KCNK10: variants seen among roughly 807,000 people sequenced by gnomAD.
The protein encoded by KCNK10 is potassium two pore domain channel subfamily K member 10.
In KCNK10, 25 loss-of-function variants were observed where a neutral mutation model predicts 47.7. The ratio of observed to expected loss-of-function variants is 0.52; its 90% CI spans 0.38 to 0.73. KCNK10 has a LOEUF of 0.73. Among genes scored for constraint, KCNK10 ranks in the 30% least tolerant of loss-of-function variants. KCNK10 has a pLI of 0.00. For missense variants in KCNK10, 563 were observed against 714.5 expected, an observed-to-expected ratio of 0.79 and a Z score of 2.42; for synonymous variants, 303 against 285.6, an observed-to-expected ratio of 1.06 and a Z score of -0.61.
At chr14:88,187,842 C>T in intron 6 of KCNK10, 125 bp downstream of exon 6, 1 of 873,528 alleles carries the variant, frequency 1.1e-6, no homozygotes, top group Non-Finnish European at 1.8e-6. Context: ...AGCCTATGAC[C>T]CGCCCCCCGC....
At chr14:88,228,265 C>T (rs759164290) in intron 3 of KCNK10, among the ~76,000 whole-genome samples, 8 of 152,130 alleles carry the variant, frequency 5.3e-5, no homozygotes, top group Non-Finnish European at 1.0e-4. Flanking sequence ...ACAAGAGAAT[C>T]TTTTTATAGT....
chr14:88,250,288 G>A (rs1886758280), intron 2 of KCNK10, among the ~76,000 whole-genome samples: 1 of 152,206 alleles, frequency 6.6e-6, no homozygotes, highest in Non-Finnish European at 1.5e-5. Flanking sequence ...TCGGAGGCCT[G>A]TAGACACAGG....
chr14:88,307,439 T>C (rs1484808343), intron 1 of KCNK10, among the ~76,000 whole-genome samples: 1 of 152,090 alleles, frequency 6.6e-6, no homozygotes, highest in African/African-American at 2.4e-5. Context: ...AAATTCATGC[T>C]TGCCAGGGAC....
chr14:88,303,798 T>G (rs1289131541), intron 1 of KCNK10, among the ~76,000 whole-genome samples: 1 of 152,132 alleles, frequency 6.6e-6, no homozygotes, highest in African/African-American at 2.4e-5. Flanking sequence ...TTTTTATCAA[T>G]GATGTATGAG....
In KCNK10 at chr14:88,183,706, A is replaced by G. The variant is rs1320094960; in HGVS notation, c.*1829T>C. The G allele has an allele frequency of 1.3e-5, 2 of 152,344 alleles. No homozygotes were observed. The highest frequency in any genetic ancestry group is 2.1e-4 in the South Asian group (1 of 4,834). The allele number at this position is 152,344 out of a possible 1,614,324, so 9.4% of individuals were successfully genotyped here. A position where few individuals can be genotyped will look rare whatever the true frequency, so the allele number is the denominator to read the frequency against. ...CAATGCCAGAACTTCAACAGAGCCT[A>G]AAGGTCTGGGGACAGGGAGATGGGA... On this transcript the variant is annotated 3_prime_UTR_variant, in exon 7 of 7. Coordinates refer to ENST00000319231, the MANE Select transcript of KCNK10 (RefSeq NM_138317.3).
intron 1 of KCNK10, chr14:88,270,749 C>G (rs182406892): frequency 1.3e-6 from 1 of 780,940 alleles, no homozygotes; most frequent in Non-Finnish European, 2.4e-6. Context: ...TGAATCACTG[C>G]GACAGCCTTC....
Position 88,260,319 on chromosome 14 carries a change from G to A in KCNK10, c.402+2883C>T, listed in dbSNP as rs1887075685. 6.6e-6 allele frequency among the ~76,000 whole-genome samples: 1 copy of A among 152,134 alleles called. No individual in the cohort carries two copies. Among genetic ancestry groups the A allele is most frequent in the African/African-American group, 2.4e-5 (1 of 41,430 alleles). On this transcript the variant is annotated intron_variant, in intron 2 of 6. Transcript: ENST00000319231. The surrounding 1 kb of genome is among the most constrained non-coding windows in gnomAD (Gnocchi z 4.5). ...CTCCTGCTCCAGCCATATAGGACATGCCTGCCTCCCCTTCGTCTTCTGCCA... is the reference window on the plus strand; with the variant it reads ...CTCCTGCTCCAGCCATATAGGACATACCTGCCTCCCCTTCGTCTTCTGCCA...
Position 88,230,340 on chromosome 14 carries a change from C to T in KCNK10, c.521-2805G>A, listed in dbSNP as rs552311278. ...GTGACTTTCAGCAGAAGACAACCAA[C>T]TCCACAAGGGCAAACAGCCAAGGGG... On this transcript the variant is annotated intron_variant, in intron 3 of 6. Coordinates refer to ENST00000319231, the MANE Select transcript of KCNK10 (RefSeq NM_138317.3). Among the ~76,000 whole-genome samples, 3 of 152,324 alleles carry T rather than the reference C, an allele frequency of 2.0e-5. No homozygotes were observed. In the East Asian group the frequency reaches 5.8e-4, roughly 29 times the overall value.
chr14:88,182,036 G>GCGCACACACACACACA lies in KCNK10; in HGVS notation c.*3498_*3499insTGTGTGTGTGTGTGCG, dbSNP rs878911675. ...AGATGGCCCAACACCACCCCAACCCGCACACACACACACACACACACACAC... is the reference window on the plus strand; with the variant it reads ...AGATGGCCCAACACCACCCCAACCCGCGCACACACACACACACACACACACACACACACACACACAC... On this transcript the variant is annotated 3_prime_UTR_variant, in exon 7 of 7. Coordinates refer to ENST00000319231, the MANE Select transcript of KCNK10 (RefSeq NM_138317.3). 6 of 137,058 alleles carry GCGCACACACACACACA rather than the reference G, an allele frequency of 4.4e-5. No individual in the cohort carries two copies. In the Admixed American group the frequency reaches 4.4e-4, roughly 10 times the overall value. The allele number at this position is 137,058 out of a possible 1,614,324, so 8.5% of individuals were successfully genotyped here. A position where few individuals can be genotyped will look rare whatever the true frequency, so the allele number is the denominator to read the frequency against.
At chr14:88,201,777 T>A (rs1432325811) in intron 4 of KCNK10, among the ~76,000 whole-genome samples, 1 of 152,244 alleles carries the variant, frequency 6.6e-6, no homozygotes, top group Non-Finnish European at 1.5e-5. Flanking sequence ...AATTAAGTTA[T>A]ATGCAAACTC....
At chr14:88,197,878 G>A (rs1328456020) in intron 4 of KCNK10, among the ~76,000 whole-genome samples, 2 of 151,424 alleles carry the variant, frequency 1.3e-5, no homozygotes, top group Non-Finnish European at 2.9e-5. Context: ...GAGAGAGAGA[G>A]AGAGAGAGAG....
intron 2 of KCNK10, among the ~76,000 whole-genome samples, chr14:88,259,472 A>G (rs543340220): frequency 3.3e-5 from 5 of 152,292 alleles, no homozygotes; most frequent in African/African-American, 1.2e-4. Flanking sequence ...TGATTTACTT[A>G]CTGAGACAAG....
intron 2 of KCNK10, among the ~76,000 whole-genome samples, chr14:88,248,468 C>A (rs1383501391): frequency 6.6e-6 from 1 of 152,080 alleles, no homozygotes. Context: ...GTAGTTCATG[C>A]CAATAATCCC....
intron 1 of KCNK10, among the ~76,000 whole-genome samples, chr14:88,316,947 G>A (rs1170493952): frequency 2.0e-5 from 3 of 152,102 alleles, no homozygotes; most frequent in Non-Finnish European, 4.4e-5. Flanking sequence ...TTTAAGGTGG[G>A]GTTCATATGG....
At chr14:88,255,643 T>A (rs1487868950) in intron 2 of KCNK10, among the ~76,000 whole-genome samples, 1 of 151,990 alleles carries the variant, frequency 6.6e-6, no homozygotes, top group Non-Finnish European at 1.5e-5. Context: ...TTCAGTAACT[T>A]GCTGGAGGCA....
intron 2 of KCNK10, among the ~76,000 whole-genome samples, chr14:88,247,240 G>T (rs1222679305): frequency 6.6e-6 from 1 of 152,106 alleles, no homozygotes; most frequent in Non-Finnish European, 1.5e-5. Context: ...GGGACACCCA[G>T]CTACCTGCAA....
intron 4 of KCNK10, among the ~76,000 whole-genome samples, chr14:88,202,867 G>T (rs2025020): frequency 0.22 from 32,859 of 151,948 alleles, 4,598 homozygotes; most frequent in Non-Finnish European, 0.31. Context: ...CTTTCTGCTG[G>T]TGATTCACCA....
In KCNK10 at chr14:88,192,285, C is replaced by T. The variant is rs1884774090; in HGVS notation, c.807G>A (p.Leu269=). The part of the protein sequence containing the change: ...IFKYIEGWTA[L]ESIYFVVVTL... ...TGACCACCACAAAGTAAATGGACTC[C>T]AAGGCCGTCCAGCCCTCGATGTACT... The change falls in exon 5 of 7, where the codon TTG becomes TTA. Residue 269 remains leucine, a synonymous_variant. Coordinates refer to ENST00000319231, the MANE Select transcript of KCNK10 (RefSeq NM_138317.3). 1.2e-6 allele frequency: 2 copies of T among 1,614,102 alleles called. No individual in the cohort carries two copies. Among genetic ancestry groups the T allele is most frequent in the South Asian group, 1.1e-5 (1 of 91,068 alleles).
At chr14:88,289,717 T>C (rs945890512) in intron 1 of KCNK10, among the ~76,000 whole-genome samples, 1 of 152,236 alleles carries the variant, frequency 6.6e-6, no homozygotes, top group Non-Finnish European at 1.5e-5. Flanking sequence ...TCCTTAGCTC[T>C]GTGGCCTTGA....
Sources: allele counts gnomAD v4.1 joint callset (sites outside exome capture counted in the v4.1 genomes callset), GRCh38; gene constraint gnomAD v4.1.1; non-coding constraint Gnocchi (gnomAD v3.1); transcripts MANE v1.5; gene names NCBI Gene and HGNC (gene_info 2026-07-23, HGNC 2026-07-21).